PLCL2: variants seen among roughly 807,000 people sequenced by gnomAD.
PLCL2 encodes phospholipase C like 2, also known as inactive phospholipase C-like protein 2.
A neutral mutation model predicts 79.6 loss-of-function variants in PLCL2; 4 were observed. The observed-to-expected ratio is 0.05, with a 90% CI of 0.02 to 0.11. The LOEUF (loss-of-function observed/expected upper bound fraction) is 0.11. Among genes scored for constraint, PLCL2 ranks in the 10% least tolerant of loss-of-function variants. The pLI is 1.00. For synonymous variants in PLCL2, 484 were observed against 457.7 expected (o/e 1.06, Z -0.73); for missense variants, 895 against 1,291.0 (o/e 0.69, Z 4.70).
At chr3:16,984,618 T>A (rs2064030097) in intron 1 of PLCL2, among the ~76,000 whole-genome samples, 1 of 152,086 alleles carries the variant, frequency 6.6e-6, no homozygotes, top group African/African-American at 2.4e-5. Flanking sequence ...AAAAGGATTA[T>A]GACTTAAGGG....
chr3:17,081,530 A>G (rs1213190575), intron 5 of PLCL2: 1 of 234,942 alleles, frequency 4.3e-6, no homozygotes, highest in East Asian at 1.2e-4. Context: ...GAATAAAAGC[A>G]ATGACTTGTG....
chr3:16,939,086 A>AG (rs1418298611), intron 1 of PLCL2, among the ~76,000 whole-genome samples: 1 of 152,174 alleles, frequency 6.6e-6, no homozygotes, highest in Non-Finnish European at 1.5e-5. Flanking sequence ...AAATCAACTA[A>AG]GGCCCATCCA....
At chr3:16,971,850 T>G (rs2063872000) in intron 1 of PLCL2, among the ~76,000 whole-genome samples, 2 of 152,188 alleles carry the variant, frequency 1.3e-5, no homozygotes, top group Admixed American at 1.3e-4. Context: ...GCTCTCTGTT[T>G]GTCTGTTATT....
chr3:16,922,620 A>G lies in PLCL2; in HGVS notation c.327+37254A>G, dbSNP rs144676156. ...CTGTTGAAGATATCCTGTATGGGAT[A>G]TTTCTGTCAGTATTGTACCAAATAT... On this transcript the variant is annotated intron_variant, in intron 1 of 5. Transcript: ENST00000615277. Among the ~76,000 whole-genome samples the G allele has an allele frequency of 7.7e-3, 1,170 of 152,284 alleles. 16 individuals carry two copies. Among genetic ancestry groups the G allele is most frequent in the African/African-American group, 0.026 (1,096 of 41,546 alleles).
intron 1 of PLCL2, among the ~76,000 whole-genome samples, chr3:16,924,989 T>C (rs1697211958): frequency 6.6e-6 from 1 of 151,648 alleles, no homozygotes; most frequent in Non-Finnish European, 1.5e-5. Context: ...AGTGGCACAA[T>C]CTCGGCTCAC....
chr3:16,956,866 A>T (rs1252130313), intron 1 of PLCL2, among the ~76,000 whole-genome samples: 1 of 152,116 alleles, frequency 6.6e-6, no homozygotes, highest in Non-Finnish European at 1.5e-5. Context: ...CTGTGGGATC[A>T]GTGGTGATAT....
chr3:16,971,763 A>C (rs1342758106), intron 1 of PLCL2, among the ~76,000 whole-genome samples: 1 of 152,006 alleles, frequency 6.6e-6, no homozygotes, highest in African/African-American at 2.4e-5. Flanking sequence ...GAGGTCCTTC[A>C]TGTCCCTTGT....
intron 1 of PLCL2, among the ~76,000 whole-genome samples, chr3:16,894,291 T>C (rs1696419157): frequency 6.6e-6 from 1 of 152,228 alleles, no homozygotes; most frequent in East Asian, 1.9e-4. Flanking sequence ...TGTTTTCATA[T>C]TGAAGCTAAT....
intron 1 of PLCL2, among the ~76,000 whole-genome samples, chr3:16,996,014 A>G (rs2064149443): frequency 6.6e-6 from 1 of 152,138 alleles, no homozygotes; most frequent in Admixed American, 6.5e-5. Context: ...CCACATTTGG[A>G]GATGAAAGGT....
intron 3 of PLCL2, among the ~76,000 whole-genome samples, chr3:17,031,284 T>C (rs890885426): frequency 1.2e-4 from 19 of 152,174 alleles, no homozygotes; most frequent in Non-Finnish European, 2.5e-4. Context: ...AGGCCCTCTT[T>C]CCAGGCACTT....
chr3:16,905,651 G>A (rs1436472168), intron 1 of PLCL2, among the ~76,000 whole-genome samples: 2 of 152,214 alleles, frequency 1.3e-5, no homozygotes, highest in Admixed American at 1.3e-4. Flanking sequence ...TTGTAGGCAT[G>A]TGCATATGTT....
At chr3:17,050,230 A>C (rs2124927705) in intron 4 of PLCL2, among the ~76,000 whole-genome samples, 1 of 152,324 alleles carries the variant, frequency 6.6e-6, no homozygotes, top group South Asian at 2.1e-4. Flanking sequence ...GCAAGAAAAC[A>C]TTGGGGAAAC....
rs999302331 is a variant in PLCL2 at position 16,953,332 on chromosome 3, C to G, written c.328-56342C>G. 2.0e-5 allele frequency among the ~76,000 whole-genome samples: 3 copies of G among 152,072 alleles called. No individual in the cohort carries two copies. The South Asian group carries it at 6.2e-4, about 32-fold the overall frequency. On this transcript the variant is annotated intron_variant, in intron 1 of 5. Coordinates refer to ENST00000615277, the MANE Select transcript of PLCL2 (RefSeq NM_001144382.2). ...GTGATTTCACTTCATGTATTTCTAT[C>G]ATTTTGAATTTGTACAGAAAACATG...
intron 1 of PLCL2, among the ~76,000 whole-genome samples, chr3:16,953,160 G>A (rs1290101923): frequency 6.6e-6 from 1 of 152,072 alleles, no homozygotes; most frequent in Non-Finnish European, 1.5e-5. Flanking sequence ...TGTGAATGAA[G>A]CAAGGTGCAA....
intron 1 of PLCL2, among the ~76,000 whole-genome samples, chr3:16,927,033 A>G (rs1437273517): frequency 6.6e-6 from 1 of 152,208 alleles, no homozygotes; most frequent in Non-Finnish European, 1.5e-5. Context: ...ATATGTATTT[A>G]ATTTAAAGCA....
At chr3:16,980,308 G>T (rs1329264539) in intron 1 of PLCL2, among the ~76,000 whole-genome samples, 2 of 149,842 alleles carry the variant, frequency 1.3e-5, no homozygotes, top group Non-Finnish European at 3.0e-5. Context: ...CGGGGCGGCT[G>T]GCCGGGCGGA....
chr3:17,047,106 G>A (rs992266727), intron 4 of PLCL2, among the ~76,000 whole-genome samples: 1 of 152,088 alleles, frequency 6.6e-6, no homozygotes, highest in African/African-American at 2.4e-5. Flanking sequence ...TTCTGGGGAG[G>A]GAGAATTGTG....
intron 3 of PLCL2, among the ~76,000 whole-genome samples, chr3:17,019,122 T>C (rs746456015): frequency 1.3e-5 from 2 of 152,170 alleles, no homozygotes; most frequent in Non-Finnish European, 2.9e-5. Flanking sequence ...CAGTGAAACA[T>C]CGGCCTTGAA....
At chr3:16,903,696 T>C (rs1696682577) in intron 1 of PLCL2, among the ~76,000 whole-genome samples, 1 of 152,184 alleles carries the variant, frequency 6.6e-6, no homozygotes, top group African/African-American at 2.4e-5. Context: ...TCATGTGTTA[T>C]ATGGTCAAGT....
Sources: allele counts gnomAD v4.1 joint callset (sites outside exome capture counted in the v4.1 genomes callset), GRCh38; gene constraint gnomAD v4.1.1; transcripts MANE v1.5; gene names NCBI Gene and HGNC (gene_info 2026-07-23, HGNC 2026-07-21).